Variants in STAG1 observed in about 807,000 individuals in gnomAD.
STAG1 encodes STAG1 cohesin complex component, also known as cohesin subunit SA-1.
In STAG1, 26 loss-of-function variants were observed where a neutral mutation model predicts 170.9. The observed-to-expected ratio is 0.15, with a 90% CI of 0.11 to 0.21. The LOEUF is 0.21. Among genes scored for constraint, STAG1 ranks in the 10% least tolerant of loss-of-function variants. STAG1 has a pLI of 1.00. For synonymous variants in STAG1, 514 were observed against 497.7 expected (o/e 1.03, Z -0.44); for missense variants, 964 against 1,509.5 (o/e 0.64, Z 5.99).
intron 9 of STAG1, among the ~76,000 whole-genome samples, chr3:136,498,176 G>A (rs1213227881): frequency 9.1e-6 from 1 of 110,396 alleles, no homozygotes; most frequent in African/African-American, 3.2e-5. Flanking sequence ...TGGGCAACAA[G>A]AGCAAAACTC....
chr3:136,596,476 A>G (rs1416727048), intron 4 of STAG1, among the ~76,000 whole-genome samples: 1 of 152,182 alleles, frequency 6.6e-6, no homozygotes, highest in African/African-American at 2.4e-5. Context: ...TATAACTTTT[A>G]TATGTACTAG....
chr3:136,712,167 G>C, intron 1 of STAG1, among the ~76,000 whole-genome samples: 1 of 152,072 alleles, frequency 6.6e-6, no homozygotes, highest in Non-Finnish European at 1.5e-5. Flanking sequence ...ACAGGCGCAC[G>C]CCACCACACC....
intron 21 of STAG1, among the ~76,000 whole-genome samples, chr3:136,400,902 CT>C (rs2087305542): frequency 6.6e-6 from 1 of 152,128 alleles, no homozygotes; most frequent in Admixed American, 6.6e-5. Flanking sequence ...TTGCAAATCT[CT>C]TTAATGTCTG....
intron 1 of STAG1, among the ~76,000 whole-genome samples, chr3:136,667,838 C>G (rs1399457484): frequency 6.6e-6 from 1 of 152,044 alleles, no homozygotes; most frequent in East Asian, 1.9e-4. Flanking sequence ...ATGATAATGT[C>G]TTTAAATACT....
chr3:136,367,640 T>C (rs771859069), intron 24 of STAG1, among the ~76,000 whole-genome samples: 1 of 152,162 alleles, frequency 6.6e-6, no homozygotes, highest in Non-Finnish European at 1.5e-5. Flanking sequence ...CTGAAAAATT[T>C]TAAGACACAA....
At chr3:136,488,224 G>A (rs1054763860) in intron 9 of STAG1, among the ~76,000 whole-genome samples, 4 of 152,238 alleles carry the variant, frequency 2.6e-5, no homozygotes, top group African/African-American at 9.6e-5. Flanking sequence ...CTGGGTTCAA[G>A]TGATTCTCCT....
intron 5 of STAG1, among the ~76,000 whole-genome samples, chr3:136,562,971 T>C (rs1936905360): frequency 6.6e-6 from 1 of 152,220 alleles, no homozygotes; most frequent in Non-Finnish European, 1.5e-5. Context: ...AAGCTTGTCT[T>C]ATGTTTCTTC....
chr3:136,391,119 G>A (rs1296246981), intron 22 of STAG1, among the ~76,000 whole-genome samples: 6 of 152,196 alleles, frequency 3.9e-5, no homozygotes, highest in African/African-American at 1.4e-4. Flanking sequence ...TGGACTTGTA[G>A]CTACCTAGGG....
intron 5 of STAG1, among the ~76,000 whole-genome samples, chr3:136,560,629 A>G (rs918338140): frequency 6.6e-6 from 1 of 152,182 alleles, no homozygotes; most frequent in African/African-American, 2.4e-5. Context: ...GAGTTAGCCA[A>G]TTCTGAGGTT....
At chr3:136,541,277 T>G (rs1472423558) in intron 6 of STAG1, among the ~76,000 whole-genome samples, 1 of 152,136 alleles carries the variant, frequency 6.6e-6, no homozygotes, top group Non-Finnish European at 1.5e-5. Context: ...AGAAATGTTA[T>G]TTAAATCAAA....
At chr3:136,444,103 T>C (rs2088708722) in intron 14 of STAG1, among the ~76,000 whole-genome samples, 1 of 151,996 alleles carries the variant, frequency 6.6e-6, no homozygotes, top group Non-Finnish European at 1.5e-5. Flanking sequence ...AGATGGAGTC[T>C]TGCTCTATCG....
intron 6 of STAG1, among the ~76,000 whole-genome samples, chr3:136,532,626 C>T (rs1410241379): frequency 6.6e-6 from 1 of 152,066 alleles, no homozygotes; most frequent in Non-Finnish European, 1.5e-5. Context: ...TGCAAATCAA[C>T]AAATGTGATA....
chr3:136,479,097 T>G (rs1013695903), intron 9 of STAG1, among the ~76,000 whole-genome samples: 7 of 150,204 alleles, frequency 4.7e-5, no homozygotes, highest in African/African-American at 1.7e-4. Context: ...TTTATTATAC[T>G]TTAAGTTTTA....
chr3:136,351,448 G>T (rs893109720), intron 28 of STAG1, among the ~76,000 whole-genome samples: 7 of 152,272 alleles, frequency 4.6e-5, no homozygotes, highest in African/African-American at 1.7e-4. Flanking sequence ...TAAAAGTGCT[G>T]GGAGTTGGGA....
intron 1 of STAG1, among the ~76,000 whole-genome samples, chr3:136,719,574 GGAT>G (rs1357178607): frequency 6.7e-6 from 1 of 149,348 alleles, no homozygotes; most frequent in African/African-American, 2.5e-5. Context: ...AGTGCCTCTG[GGAT>G]GATAAGTGGG....
chr3:136,523,468 C>T (rs913416024), intron 6 of STAG1, among the ~76,000 whole-genome samples: 5 of 152,084 alleles, frequency 3.3e-5, no homozygotes, highest in Non-Finnish European at 5.9e-5. Flanking sequence ...GGATATTAGC[C>T]TTTTGTCAGA....
intron 1 of STAG1, among the ~76,000 whole-genome samples, chr3:136,724,943 C>T (rs1488034086): frequency 2.0e-5 from 3 of 152,104 alleles, no homozygotes; most frequent in Non-Finnish European, 2.9e-5. Flanking sequence ...TGTAAAAAAT[C>T]ATGAATAGGT....
chr3:136,369,665 T>A (rs1288680528), intron 23 of STAG1, among the ~76,000 whole-genome samples: 5 of 152,328 alleles, frequency 3.3e-5, no homozygotes, highest in African/African-American at 1.2e-4. Context: ...TAACAAAGAT[T>A]AGAAATCAAT....
intron 1 of STAG1, among the ~76,000 whole-genome samples, chr3:136,651,964 A>C (rs1941233377): frequency 1.3e-5 from 2 of 152,210 alleles, no homozygotes; most frequent in African/African-American, 4.8e-5. Flanking sequence ...GTGATTCAGA[A>C]TGAAGGAAAA....
Sources: allele counts gnomAD v4.1 joint callset (sites outside exome capture counted in the v4.1 genomes callset), GRCh38; gene constraint gnomAD v4.1.1; transcripts MANE v1.5; gene names NCBI Gene and HGNC (gene_info 2026-07-23, HGNC 2026-07-21).